The following LRP1B variants were observed in gnomAD, a reference collection of about 807,000 sequenced individuals.
LRP1B encodes LDL receptor related protein 1B.
A neutral mutation model predicts 556.6 loss-of-function variants in LRP1B; 217 were observed. The observed-to-expected ratio is 0.39, with a 90% CI of 0.35 to 0.44. The LOEUF (loss-of-function observed/expected upper bound fraction) is 0.44, where lower values mean the gene tolerates loss of function less well. Among genes scored for constraint, LRP1B ranks in the 20% least tolerant of loss-of-function variants. The pLI is 1.00. For synonymous variants in LRP1B, 2,047 were observed against 1,865.8 expected (o/e 1.10, Z -2.50); for missense variants, 5,053 against 5,620.8 (o/e 0.90, Z 3.23).
At chr2:140,684,712 T>C (rs1378983272) in intron 41 of LRP1B, among the ~76,000 whole-genome samples, 1 of 152,214 alleles carries the variant, frequency 6.6e-6, no homozygotes, top group Non-Finnish European at 1.5e-5. Context: ...ATATAGACAT[T>C]CTTGTATTTC....
chr2:140,427,727 C>T (rs979781089), intron 66 of LRP1B, among the ~76,000 whole-genome samples: 14 of 151,972 alleles, frequency 9.2e-5, no homozygotes, highest in Non-Finnish European at 8.8e-5. Context: ...CCACCTGTCC[C>T]CCTCCGTCCC....
chr2:140,530,147 T>G (rs975592686), intron 47 of LRP1B, among the ~76,000 whole-genome samples: 2 of 152,136 alleles, frequency 1.3e-5, no homozygotes, highest in African/African-American at 4.8e-5. Flanking sequence ...GGCTCCACCA[T>G]AGCCTCTTAC....
At chr2:141,630,880 C>T (rs1216341844) in intron 2 of LRP1B, among the ~76,000 whole-genome samples, 1 of 152,110 alleles carries the variant, frequency 6.6e-6, no homozygotes, top group Admixed American at 6.6e-5. Context: ...CTAATTATGT[C>T]TTACTTTCCT....
Position 141,055,187 on chromosome 2 carries a change from C to G in LRP1B, c.1481G>C (p.Ser494Thr), listed in dbSNP as rs1391544705. The G allele has an allele frequency of 6.2e-7, 1 of 1,612,318 alleles. No homozygotes were observed. Among genetic ancestry groups the G allele is most frequent in the African/African-American group, 1.3e-5 (1 of 74,784 alleles). The change falls in exon 10 of 91, where the codon AGC (serine) becomes ACC (threonine). Residue 494 changes from serine (S) to threonine (T), a missense_variant. This residue lies in a region of LRP1B where 3,619 missense variants were observed against 3,931.9 expected (regional missense o/e 0.92). Transcript: ENST00000389484. ...GCGACAAGTCCGAGTTTTGTAACTG[C>G]TGCTGAGTAGACAGATGTGTGAACA... Reference protein sequence around the residue: ...GGCSHICLLSSSYKTRTCRCR... With the variant: ...GGCSHICLLSTSYKTRTCRCR...
intron 6 of LRP1B, among the ~76,000 whole-genome samples, chr2:141,217,848 TG>T (rs1322510326): frequency 1.3e-5 from 2 of 152,122 alleles, no homozygotes; most frequent in Non-Finnish European, 2.9e-5. Context: ...GAAAGACTGA[TG>T]TCCAAAATCT....
intron 2 of LRP1B, among the ~76,000 whole-genome samples, chr2:141,531,590 A>T (rs1684872424): frequency 6.6e-6 from 1 of 152,164 alleles, no homozygotes; most frequent in Admixed American, 6.6e-5. Flanking sequence ...TTCTCAGAAA[A>T]GATTGCTGCT....
intron 1 of LRP1B, among the ~76,000 whole-genome samples, chr2:141,949,216 T>C (rs1701040426): frequency 6.6e-6 from 1 of 152,146 alleles, no homozygotes; most frequent in African/African-American, 2.4e-5. Flanking sequence ...AAAAGAAGTA[T>C]GTAAGGGCTA....
At chr2:141,126,785 C>T (rs1193493090) in intron 7 of LRP1B, among the ~76,000 whole-genome samples, 1 of 152,120 alleles carries the variant, frequency 6.6e-6, no homozygotes, top group African/African-American at 2.4e-5. Flanking sequence ...ACACAGCTTC[C>T]CTTTTTACTA....
chr2:141,973,250 T>C (rs1227452820), intron 1 of LRP1B, among the ~76,000 whole-genome samples: 1 of 151,748 alleles, frequency 6.6e-6, no homozygotes, highest in Non-Finnish European at 1.5e-5. Context: ...AATAACTCTT[T>C]ATTGATTAAA....
chr2:140,243,390 A>G (rs555571367), intron 87 of LRP1B, among the ~76,000 whole-genome samples: 2 of 151,276 alleles, frequency 1.3e-5, no homozygotes, highest in South Asian at 2.1e-4. Context: ...AAGAGAAACC[A>G]GAAGTGTTCA....
chr2:141,006,295 C>T (rs999690289), intron 14 of LRP1B, among the ~76,000 whole-genome samples: 1 of 151,948 alleles, frequency 6.6e-6, no homozygotes, highest in Non-Finnish European at 1.5e-5. Context: ...TGGGAACATT[C>T]AATATCCACC....
intron 4 of LRP1B, among the ~76,000 whole-genome samples, chr2:141,249,657 T>A (rs1684191832): frequency 6.6e-6 from 1 of 152,026 alleles, no homozygotes; most frequent in South Asian, 2.1e-4. Context: ...TACAGTCGCC[T>A]GTGAAGGAAA....
At chr2:140,399,005 T>C (rs756788856) in intron 66 of LRP1B, among the ~76,000 whole-genome samples, 1 of 152,156 alleles carries the variant, frequency 6.6e-6, no homozygotes, top group African/African-American at 2.4e-5. Flanking sequence ...AAGTGCATAA[T>C]AAATTCAGTT....
chr2:140,867,600 G>A lies in LRP1B; in HGVS notation c.4569C>T (p.Arg1523=), dbSNP rs2105153199. Residue 1523 remains arginine (R), a synonymous_variant, in exon 27 of 91, where the codon CGC becomes CGT. Transcript: ENST00000389484. ...TGAACAAGCACTTACCCTGTGGCTGGCGACTGGGATGGTATATCTGAAGGT... is the reference window on the plus strand; with the variant it reads ...TGAACAAGCACTTACCCTGTGGCTGACGACTGGGATGGTATATCTGAAGGT... The part of the protein sequence containing the change: ...PFDLQIYHPS[R]QPQAPNPCAA... 5 of 1,612,182 alleles carry A rather than the reference G, an allele frequency of 3.1e-6. No individual in the cohort carries two copies. The highest frequency in any genetic ancestry group is 4.2e-6 in the Non-Finnish European group (5 of 1,178,822).
chr2:140,839,182 A>G (rs1692017186), intron 31 of LRP1B, among the ~76,000 whole-genome samples: 1 of 152,232 alleles, frequency 6.6e-6, no homozygotes, highest in African/African-American at 2.4e-5. Flanking sequence ...CAGTGAAAAT[A>G]AGAGATTGAT....
chr2:141,062,462 T>C (rs187919251), intron 7 of LRP1B, among the ~76,000 whole-genome samples, 189 bp from the exon 8 acceptor site: 1 of 151,932 alleles, frequency 6.6e-6, no homozygotes, highest in Non-Finnish European at 1.5e-5. Flanking sequence ...TTGCAGGGCA[T>C]AAGGGAGCAG....
rs199678560 is a variant in LRP1B, at chr2:142,031,338, T to A, written c.82+99310A>T. 7.7e-4 allele frequency among the ~76,000 whole-genome samples: 97 copies of A among 125,794 alleles called. 5 individuals are homozygous for A. Among genetic ancestry groups the A allele is most frequent in the Middle Eastern group, 4.1e-3 (1 of 242 alleles). 82.5% of individuals were successfully genotyped at this position (125,794 alleles called of 152,430 possible). A position where few individuals can be genotyped will look rare whatever the true frequency, so the allele number is the denominator to read the frequency against. ...AAAGGTTGATTATACTTATTTTTTT[T>A]TTTTTTTTTTATTATACTCTAAGTT... is the stretch of plus-strand genomic sequence containing the variant. On this transcript the variant is annotated intron_variant, in intron 1 of 90. Transcript: ENST00000389484.
intron 6 of LRP1B, among the ~76,000 whole-genome samples, chr2:141,193,138 C>A (rs752945380): frequency 2.6e-5 from 4 of 151,874 alleles, no homozygotes; most frequent in Non-Finnish European, 1.5e-5. Context: ...TCGATGGGAT[C>A]GTAAATTAGT....
At chr2:140,273,830 A>G (rs1318176415) in intron 85 of LRP1B, among the ~76,000 whole-genome samples, 7 of 151,986 alleles carry the variant, frequency 4.6e-5, no homozygotes, top group Non-Finnish European at 1.0e-4. Flanking sequence ...TCTGTTTTCC[A>G]TTCACTTAAT....
Sources: gnomAD v4.1 joint callset for allele counts (sites outside exome capture counted in the v4.1 genomes callset) on GRCh38, gnomAD v4.1.1 for gene constraint, gnomAD v4.1.1 regional missense constraint, MANE v1.5 for transcripts, NCBI Gene and HGNC (gene_info 2026-07-23, HGNC 2026-07-21) for gene names.